MAPK6: variants seen among roughly 807,000 people sequenced by gnomAD.
MAPK6 encodes mitogen-activated protein kinase 6.
Under a neutral mutation model 59.3 loss-of-function variants are expected in MAPK6, and 19 were observed. The observed-to-expected ratio is 0.32, with a 90% CI of 0.22 to 0.47. MAPK6 has a LOEUF of 0.47. Ranked by LOEUF, MAPK6 falls within the 20% of genes least tolerant of loss-of-function variation. MAPK6 has a pLI of 1.00. For synonymous variants in MAPK6, 316 were observed against 290.3 expected (o/e 1.09, Z -0.90); for missense variants, 724 against 847.9 (o/e 0.85, Z 1.81).
intron 4 of MAPK6, among the ~76,000 whole-genome samples, chr15:52,059,356 G>T (rs147981719): frequency 6.6e-6 from 1 of 152,152 alleles, no homozygotes; most frequent in African/African-American, 2.4e-5. Flanking sequence ...TTGAACTCCT[G>T]AGCTCAAGCA....
chr15:52,064,796 G>C lies in MAPK6; in HGVS notation c.1962G>C (p.Glu654Asp). The change falls in exon 6 of 6, where the codon GAG (glutamate) becomes GAC (aspartate). Residue 654 changes from glutamate (E) to aspartate (D), a missense_variant. Physicochemically the swap from Glu to Asp is conservative, Grantham distance 45. Around this residue, in one of 4 missense-constraint regions of MAPK6, gnomAD observed 502 missense variants for 507.6 expected, o/e 0.99. Coordinates refer to ENST00000261845, the MANE Select transcript of MAPK6 (RefSeq NM_002748.4). Reference protein sequence around the residue: ...TEPVEDGKLGERGHEEGFLNN... With the variant: ...TEPVEDGKLGDRGHEEGFLNN... ...CAGTAGAGGATGGGAAGCTTGGGGA[G>C]AGAGGACATGAGGAAGGATTTCTGA... is the stretch of plus-strand genomic sequence containing the variant. 1 of 1,611,956 alleles carries C rather than the reference G, an allele frequency of 6.2e-7. No individual in the cohort carries two copies. The highest frequency in any genetic ancestry group is 8.5e-7 in the Non-Finnish European group (1 of 1,179,828).
intron 4 of MAPK6, among the ~76,000 whole-genome samples, chr15:52,060,110 A>T (rs971788773): frequency 6.6e-6 from 1 of 152,156 alleles, no homozygotes; most frequent in African/African-American, 2.4e-5. Context: ...CCATTGTAGC[A>T]TTCCTGTAGT....
At chr15:52,032,777 C>A (rs550272743) in intron 1 of MAPK6, among the ~76,000 whole-genome samples, 299 of 152,264 alleles carry the variant, frequency 2.0e-3, no homozygotes, top group African/African-American at 7.0e-3. Flanking sequence ...CTCCGCCTCC[C>A]AAGTTCAAGT....
intron 2 of MAPK6, among the ~76,000 whole-genome samples, chr15:51,999,395 C>A (rs1039296948): frequency 1.3e-5 from 2 of 152,190 alleles, no homozygotes; most frequent in African/African-American, 4.8e-5. Flanking sequence ...TGGTGATCAT[C>A]TTTTCATGTG....
rs545945116 is a variant in MAPK6, at chr15:52,034,829, C to G, written c.-631-11001C>G. 7.2e-5 allele frequency among the ~76,000 whole-genome samples: 11 copies of G among 152,126 alleles called. No homozygotes were observed. In the East Asian group the frequency reaches 2.2e-3, roughly 30 times the overall value. On this transcript the variant is annotated intron_variant, in intron 1 of 5. Transcript: ENST00000261845. Reference sequence around the variant, plus strand: ...TCTCCTGCTTCAGCCTCCCAAGTACCTGGGAGTACAGGTGTGCACCACCAC... The same window carrying G: ...TCTCCTGCTTCAGCCTCCCAAGTACGTGGGAGTACAGGTGTGCACCACCAC...
chr15:51,998,760 G>A (rs543535870), intron 2 of MAPK6, among the ~76,000 whole-genome samples: 1 of 129,150 alleles, frequency 7.7e-6, no homozygotes, highest in Non-Finnish European at 1.6e-5. Context: ...GCGCAATCTC[G>A]GCCCACTGCA....
intron 2 of MAPK6, among the ~76,000 whole-genome samples, chr15:52,047,645 CTTT>C (rs35508228): frequency 7.3e-6 from 1 of 137,550 alleles, no homozygotes; most frequent in Non-Finnish European, 1.6e-5. Context: ...CATGCCCAGC[CTTT>C]TTTTTTTTTT....
At chr15:52,034,858 C>T (rs1303300325) in intron 1 of MAPK6, among the ~76,000 whole-genome samples, 11 of 151,026 alleles carry the variant, frequency 7.3e-5, no homozygotes, top group Non-Finnish European at 4.4e-5. Context: ...CCACCACGCC[C>T]GGCTAATGTT....
chr15:52,063,227 G>C (rs913636711), intron 5 of MAPK6, among the ~76,000 whole-genome samples: 4 of 152,084 alleles, frequency 2.6e-5, no homozygotes, highest in African/African-American at 9.7e-5. Context: ...ACCATGTTCA[G>C]CTAATTTTTG....
At chr15:52,011,839 T>C (rs1271099065) in intron 3 of MAPK6, among the ~76,000 whole-genome samples, 1 of 152,238 alleles carries the variant, frequency 6.6e-6, no homozygotes, top group East Asian at 1.9e-4. Context: ...CGTGTTCTTC[T>C]ATAAACCGTG....
At chr15:52,026,582 G>A (rs942507359) in intron 1 of MAPK6, among the ~76,000 whole-genome samples, 13 of 151,094 alleles carry the variant, frequency 8.6e-5, no homozygotes, top group Admixed American at 3.3e-4. Flanking sequence ...GTGAGCCACC[G>A]TGCCTGGCCT....
chr15:51,983,915 G>A (rs2057182353), intron 2 of MAPK6, among the ~76,000 whole-genome samples: 3 of 151,784 alleles, frequency 2.0e-5, no homozygotes, highest in Non-Finnish European at 2.9e-5. Context: ...CCATGTCTAA[G>A]TTCAAGGCTG....
Position 52,046,726 on chromosome 15 carries a change from G to A in MAPK6, c.266G>A (p.Ser89Asn). 6.2e-7 allele frequency: 1 copy of A among 1,614,222 alleles called. No individual in the cohort carries two copies. Among genetic ancestry groups the A allele is most frequent in the Non-Finnish European group, 8.5e-7 (1 of 1,180,030 alleles). The change falls in exon 2 of 6, where the codon AGC becomes AAC. Residue 89 changes from serine to asparagine, a missense_variant. Ser to Asn is a conservative substitution (Grantham distance 46, BLOSUM62 1). Coordinates refer to ENST00000261845, the MANE Select transcript of MAPK6 (RefSeq NM_002748.4). ...KVFEILGPSG[S>N]QLTDDVGSLT... is the part of the protein sequence containing the mutation. ...TTTGAGATTCTTGGTCCCAGTGGAA[G>A]CCAATTAACAGACGATGTGGGCTCT... is the stretch of plus-strand genomic sequence containing the variant.
At chr15:52,063,313 T>G (rs1429820590) in intron 5 of MAPK6, among the ~76,000 whole-genome samples, 1 of 152,232 alleles carries the variant, frequency 6.6e-6, no homozygotes, top group African/African-American at 2.4e-5. Context: ...TCCATCCACC[T>G]TGGCCTTCTT....
chr15:52,028,311 T>C (rs145340359), intron 1 of MAPK6, among the ~76,000 whole-genome samples: 1 of 152,250 alleles, frequency 6.6e-6, no homozygotes, highest in African/African-American at 2.4e-5. Context: ...GGTCTTGAAC[T>C]ACTGACCTCA....
chr15:52,020,792 G>A (rs1030060421), intron 1 of MAPK6, among the ~76,000 whole-genome samples: 17 of 152,246 alleles, frequency 1.1e-4, no homozygotes, highest in African/African-American at 3.9e-4. Flanking sequence ...TGTTTATGAA[G>A]TGTTTGCTAT....
chr15:52,016,070 G>GCGCGCGCGCACACACACA, upstream of MAPK6, among the ~76,000 whole-genome samples: 234 of 55,424 alleles, frequency 4.2e-3, 4 homozygotes, highest in Non-Finnish European at 6.4e-3. Context: ...GCGCGCGCGC[G>GCGCGCGCGCACACACACA]CACACACACA....
At chr15:52,036,647 C>T (rs1566906664) in intron 1 of MAPK6, among the ~76,000 whole-genome samples, 2 of 152,336 alleles carry the variant, frequency 1.3e-5, no homozygotes, top group South Asian at 2.1e-4. Context: ...TTGGGGGACA[C>T]ATTCAAAGCA....
At chr15:52,031,867 T>G (rs2141875395) in intron 1 of MAPK6, among the ~76,000 whole-genome samples, 1 of 152,304 alleles carries the variant, frequency 6.6e-6, no homozygotes, top group South Asian at 2.1e-4. Flanking sequence ...TTTATTTTCA[T>G]GTTCAGTGCT....
Sources: allele counts gnomAD v4.1 joint callset (sites outside exome capture counted in the v4.1 genomes callset), GRCh38; gene constraint gnomAD v4.1.1; regional missense constraint gnomAD v4.1.1; transcripts MANE v1.5; gene names NCBI Gene and HGNC (gene_info 2026-07-23, HGNC 2026-07-21).